Variants in PPARA observed in about 807,000 individuals in gnomAD.
The protein encoded by PPARA is peroxisome proliferator-activated receptor alpha.
A neutral mutation model predicts 42.2 loss-of-function variants in PPARA; 22 were observed. The ratio of observed to expected loss-of-function variants is 0.52; its 90% CI spans 0.37 to 0.74. The LOEUF is 0.74. Among genes scored for constraint, PPARA ranks in the 30% least tolerant of loss-of-function variants. The pLI is 0.00. For missense variants in PPARA, 465 were observed against 608.2 expected (o/e 0.76, Z 2.48); for synonymous variants, 242 against 239.3 (o/e 1.01, Z -0.10).
chr22:46,202,777 C>T (rs896752472), intron 4 of PPARA, among the ~76,000 whole-genome samples: 18 of 149,410 alleles, frequency 1.2e-4, no homozygotes, highest in Admixed American at 4.0e-4. Flanking sequence ...GCAGGACAGT[C>T]GCTTGAATCC....
intron 4 of PPARA, among the ~76,000 whole-genome samples, chr22:46,206,862 C>T (rs1158902670): frequency 1.3e-5 from 2 of 152,108 alleles, no homozygotes; most frequent in Non-Finnish European, 2.9e-5. Context: ...TATGGCTCTA[C>T]TGGTAACGAA....
At position 46,231,824 on chromosome 22, in the gene PPARA, T is replaced by C. The variant is rs150515066; in HGVS notation, c.744T>C (p.Cys248=). Residue 248 remains cysteine (C), a synonymous_variant, in exon 8 of 9, where the codon TGT becomes TGC. Coordinates refer to ENST00000407236, the MANE Select transcript of PPARA (RefSeq NM_005036.6). This position sits in a 1 kb window ranked among gnomAD's most constrained non-coding sequence, Gnocchi z 7.7. The stretch of plus-strand genomic sequence containing the variant: ...TCATACATGATATGGAGACACTGTG[T>C]ATGGCTGAGAAGACGCTGGTGGCCA... ...PFVIHDMETL[C]MAEKTLVAKL... is the part of the protein sequence containing the mutation. 3.1e-4 allele frequency: 504 copies of C among 1,613,756 alleles called. No homozygotes were observed. The highest frequency in any genetic ancestry group is 1.0e-3 in the Middle Eastern group (6 of 5,968).
Position 46,212,007 on chromosome 22 carries a change from C to T in PPARA, c.209-3166C>T, listed in dbSNP as rs369525874. Among the ~76,000 whole-genome samples, 7 of 148,852 alleles carry T rather than the reference C, an allele frequency of 4.7e-5. No individual in the cohort carries two copies. In the East Asian group the frequency reaches 1.2e-3, roughly 26 times the overall value. ...ACACCCGGTCTCTCTCCTTCCTTTC[C>T]TTTCCTCTCCTTTCCTTTTCTTTCT... On this transcript the variant is annotated intron_variant, in intron 4 of 8. Transcript: ENST00000407236. This position sits in a 1 kb window ranked among gnomAD's most constrained non-coding sequence, Gnocchi z 4.2.
intron 2 of PPARA, among the ~76,000 whole-genome samples, chr22:46,170,459 G>A (rs1927842204): frequency 7.1e-6 from 1 of 140,036 alleles, no homozygotes; most frequent in South Asian, 2.2e-4. Context: ...ATATCACCCA[G>A]GCTGGTCTCA....
In PPARA at chr22:46,241,088, A is replaced by G. The variant is rs1461289852; in HGVS notation, c.*5708A>G. 1 of 152,286 alleles carries G rather than the reference A, an allele frequency of 6.6e-6. No individual in the cohort carries two copies. The highest frequency in any genetic ancestry group is 1.5e-5 in the Non-Finnish European group (1 of 68,068). 9.4% of individuals were successfully genotyped at this position (152,286 alleles called of 1,614,324 possible). On this transcript the variant is annotated 3_prime_UTR_variant, in exon 9 of 9. Transcript: ENST00000407236. The surrounding 1 kb of genome is among the most constrained non-coding windows in gnomAD (Gnocchi z 5.7). ...CACCAAAGGATTATTCGATGCCATTAAATCATCCCGTGACCTTCCTGCTTC... is the reference window on the plus strand; with the variant it reads ...CACCAAAGGATTATTCGATGCCATTGAATCATCCCGTGACCTTCCTGCTTC...
At position 46,225,802 on chromosome 22, in the gene PPARA, C is replaced by G. The variant is rs946122454; in HGVS notation, c.711+5788C>G. Among the ~76,000 whole-genome samples, 1 of 151,458 alleles carries G rather than the reference C, an allele frequency of 6.6e-6. No homozygotes were observed. Among genetic ancestry groups the G allele is most frequent in the Non-Finnish European group, 1.5e-5 (1 of 67,906 alleles). ...AAACACACACACCCCCACACATACA[C>G]GTGCACCCACACATGCACACAGACG... On this transcript the variant is annotated intron_variant, in intron 7 of 8. Coordinates refer to ENST00000407236, the MANE Select transcript of PPARA (RefSeq NM_005036.6). This position sits in a 1 kb window ranked among gnomAD's most constrained non-coding sequence, Gnocchi z 4.1.
Position 46,237,161 on chromosome 22 carries a change from G to C in PPARA, c.*1781G>C, listed in dbSNP as rs1056438926. Reference sequence around the variant, plus strand: ...CTGAGGTCATTATTATTTTAAGAATGATTAGGATTGATAAGGGTCCCATGA... The same window carrying C: ...CTGAGGTCATTATTATTTTAAGAATCATTAGGATTGATAAGGGTCCCATGA... On this transcript the variant is annotated 3_prime_UTR_variant, in exon 9 of 9. Transcript: ENST00000407236. This position sits in a 1 kb window ranked among gnomAD's most constrained non-coding sequence, Gnocchi z 6.7. 6.6e-6 allele frequency: 1 copy of C among 152,170 alleles called. No individual in the cohort carries two copies. Among genetic ancestry groups the C allele is most frequent in the African/African-American group, 2.4e-5 (1 of 41,440 alleles). 9.4% of individuals were successfully genotyped at this position (152,170 alleles called of 1,614,324 possible).
rs964878803 is a variant in PPARA at position 46,155,013 on chromosome 22, A to C, written c.-127+3043A>C. The C allele has an allele frequency of 5.3e-4, 77 of 144,300 alleles. 1 individual carries two copies. The highest frequency in any genetic ancestry group is 8.4e-4 in the South Asian group (4 of 4,746). The allele number at this position is 144,300 out of a possible 1,614,324, so 8.9% of individuals were successfully genotyped here. On this transcript the variant is annotated intron_variant, in intron 2 of 8. Transcript: ENST00000407236. ...TAAAAAAAAAAAAAAAAAAAAAAAA[A>C]AAAAAAAAAAAAAACCACATTAATT...
In PPARA at chr22:46,171,691, G is replaced by A. The variant is rs926752139; in HGVS notation, c.-126-5062G>A. Among the ~76,000 whole-genome samples the A allele has an allele frequency of 2.0e-5, 3 of 152,174 alleles. No homozygotes were observed. The highest frequency in any genetic ancestry group is 4.1e-4 in the South Asian group (2 of 4,822). On this transcript the variant is annotated intron_variant, in intron 2 of 8. Coordinates refer to ENST00000407236, the MANE Select transcript of PPARA (RefSeq NM_005036.6). The surrounding 1 kb of genome is among the most constrained non-coding windows in gnomAD (Gnocchi z 5.0). ...CTCATGAGAGGAACAGCCAGGAAGT[G>A]TGACTCGAGCAGTGTCCTGGAGAGG...
chr22:46,209,008 TG>T (rs1933670016), intron 4 of PPARA, among the ~76,000 whole-genome samples: 2 of 152,164 alleles, frequency 1.3e-5, no homozygotes, highest in Admixed American at 1.3e-4. Flanking sequence ...CTGTGTATAG[TG>T]CTGCAGTAAA....
At chr22:46,174,245 A>G (rs370076704) in intron 2 of PPARA, among the ~76,000 whole-genome samples, 32 of 964 alleles carry the variant, frequency 0.033, 1 homozygote, top group African/African-American at 0.13. Flanking sequence ...AGAGAAAGAA[A>G]GAAAGAAGGA....
At chr22:46,229,610 T>C (rs889662814) in intron 7 of PPARA, among the ~76,000 whole-genome samples, 1 of 152,086 alleles carries the variant, frequency 6.6e-6, no homozygotes, top group Non-Finnish European at 1.5e-5. Flanking sequence ...ATTCCTTAAA[T>C]CTGAGCTTCA....
At chr22:46,168,240 T>C (rs1927388902) in intron 2 of PPARA, among the ~76,000 whole-genome samples, 1 of 148,944 alleles carries the variant, frequency 6.7e-6, no homozygotes, top group Non-Finnish European at 1.5e-5. Context: ...TAGTCCTAGC[T>C]ACTCGGGAGG....
rs1202545186 is a variant in PPARA at position 46,241,863 on chromosome 22, T to C, written c.*6483T>C. 1 of 146,226 alleles carries C rather than the reference T, an allele frequency of 6.8e-6. No homozygotes were observed. Among genetic ancestry groups the C allele is most frequent in the Non-Finnish European group, 1.5e-5 (1 of 67,468 alleles). 9.1% of individuals were successfully genotyped at this position (146,226 alleles called of 1,614,324 possible). A position where few individuals can be genotyped will look rare whatever the true frequency, so the allele number is the denominator to read the frequency against. On this transcript the variant is annotated 3_prime_UTR_variant, in exon 9 of 9. Coordinates refer to ENST00000407236, the MANE Select transcript of PPARA (RefSeq NM_005036.6). The surrounding 1 kb of genome is among the most constrained non-coding windows in gnomAD (Gnocchi z 5.7). ...AATATCATGTCTTGATGGACGCAGC[T>C]GATGACCTCAAATACTTGAGTGGTC... is the stretch of plus-strand genomic sequence containing the variant.
intron 4 of PPARA, among the ~76,000 whole-genome samples, chr22:46,213,653 G>A (rs943325199): frequency 4.0e-5 from 6 of 150,486 alleles, no homozygotes; most frequent in Admixed American, 2.0e-4. Context: ...GCATTGGTGC[G>A]ATCTTGGCTC....
intron 2 of PPARA, among the ~76,000 whole-genome samples, chr22:46,159,812 C>T (rs540768440): frequency 6.6e-6 from 1 of 152,202 alleles, no homozygotes; most frequent in South Asian, 2.1e-4. Flanking sequence ...TGTTTGAAGC[C>T]AAGGATCCTT....
In PPARA at chr22:46,185,917, ATATATATATAT is replaced by A. The variant is rs1236433142; in HGVS notation, c.-43+9082_-43+9092del. Among the ~76,000 whole-genome samples the A allele has an allele frequency of 6.9e-3, 70 of 10,098 alleles. 5 individuals are homozygous for A. Among genetic ancestry groups the A allele is most frequent in the African/African-American group, 0.019 (60 of 3,142 alleles). 6.6% of individuals were successfully genotyped at this position (10,098 alleles called of 152,430 possible). On this transcript the variant is annotated intron_variant, in intron 3 of 8. Coordinates refer to ENST00000407236, the MANE Select transcript of PPARA (RefSeq NM_005036.6). Reference sequence around the variant, plus strand: ...CTCCAAAAAAAAAAAAAAAAAAAAAATATATATATATATATATATATATATATATATATATA... The same window carrying A: ...CTCCAAAAAAAAAAAAAAAAAAAAAAATATATATATATATATATATATATA...
Position 46,224,298 on chromosome 22 carries a change from T to C in PPARA, c.711+4284T>C, listed in dbSNP as rs1337344519. On this transcript the variant is annotated intron_variant, in intron 7 of 8. Transcript: ENST00000407236. This position sits in a 1 kb window ranked among gnomAD's most constrained non-coding sequence, Gnocchi z 5.7. ...TCAGGTGCAGGATACCCTCTCTGCT[T>C]AGTCTGGGAAAAGGCCCCGTTGGCA... Among the ~76,000 whole-genome samples the C allele has an allele frequency of 1.3e-5, 2 of 152,156 alleles. No individual in the cohort carries two copies. Among genetic ancestry groups the C allele is most frequent in the African/African-American group, 4.8e-5 (2 of 41,434 alleles).
rs542102567 is a variant in PPARA, at chr22:46,223,823, G to A, written c.711+3809G>A. On this transcript the variant is annotated intron_variant, in intron 7 of 8. Transcript: ENST00000407236. ...AAATTAGCCGGGCATGGCAGTGTGCGCCTGTAGTCCCATCTATTCGGGAGG... is the reference window on the plus strand; with the variant it reads ...AAATTAGCCGGGCATGGCAGTGTGCACCTGTAGTCCCATCTATTCGGGAGG... Among the ~76,000 whole-genome samples, 10 of 148,326 alleles carry A rather than the reference G, an allele frequency of 6.7e-5. No homozygotes were observed. In the South Asian group the frequency reaches 1.7e-3, roughly 26 times the overall value.
Sources: gnomAD v4.1 joint callset for allele counts (sites outside exome capture counted in the v4.1 genomes callset) on GRCh38, gnomAD v4.1.1 for gene constraint, Gnocchi (gnomAD v3.1) non-coding constraint, MANE v1.5 for transcripts, NCBI Gene and HGNC (gene_info 2026-07-23, HGNC 2026-07-21) for gene names.